The following TWIST2 variants were observed in gnomAD, a reference collection of about 807,000 sequenced individuals.
TWIST2 encodes twist family bHLH transcription factor 2, also known as twist-related protein 2.
In TWIST2, 1 loss-of-function variant was observed where a neutral mutation model predicts 11.6. That is an observed-to-expected ratio of 0.09 (90% CI 0.03 to 0.41). The LOEUF (loss-of-function observed/expected upper bound fraction) is 0.41, where lower values mean the gene tolerates loss of function less well. Ranked by LOEUF, TWIST2 falls within the 10% of genes least tolerant of loss-of-function variation. The pLI is 0.98. For synonymous variants in TWIST2, 87 were observed against 96.6 expected (o/e 0.90, Z 0.58); for missense variants, 168 against 226.4 (o/e 0.74, Z 1.66).
intron 1 of TWIST2, among the ~76,000 whole-genome samples, chr2:238,894,155 A>G (rs931665957): frequency 7.2e-5 from 11 of 152,076 alleles, no homozygotes; most frequent in Non-Finnish European, 1.0e-4. Context: ...CTCCAAGGGG[A>G]GAATAAAGTT....
At chr2:238,905,323 G>A (rs996199359) in intron 1 of TWIST2, among the ~76,000 whole-genome samples, 9,279 of 152,260 alleles carry the variant, frequency 0.061, 410 homozygotes, top group East Asian at 0.16. Context: ...ATACAGGGAG[G>A]TAACTGCACG....
intron 1 of TWIST2, among the ~76,000 whole-genome samples, chr2:238,870,554 ACACACAC>A (rs1177479100): frequency 8.3e-6 from 1 of 120,164 alleles, no homozygotes; most frequent in Admixed American, 8.4e-5. Flanking sequence ...CACACACCCC[ACACACAC>A]CACACACCAC....
intron 1 of TWIST2, among the ~76,000 whole-genome samples, chr2:238,883,044 C>T (rs1282664312): frequency 6.6e-6 from 1 of 152,202 alleles, no homozygotes; most frequent in African/African-American, 2.4e-5. Flanking sequence ...AATGTTTCTT[C>T]TGTGATTCCT....
chr2:238,894,021 C>G (rs1161094629), intron 1 of TWIST2, among the ~76,000 whole-genome samples: 2 of 152,208 alleles, frequency 1.3e-5, no homozygotes, highest in East Asian at 3.9e-4. Context: ...AAATATCTGC[C>G]TCCTCCAGTT....
At chr2:238,872,359 C>T (rs1283979501) in intron 1 of TWIST2, among the ~76,000 whole-genome samples, 1 of 152,186 alleles carries the variant, frequency 6.6e-6, no homozygotes, top group Non-Finnish European at 1.5e-5. Context: ...GGAGTGGTCT[C>T]AGGTGCACCA....
At chr2:238,882,900 C>A (rs941481076) in intron 1 of TWIST2, among the ~76,000 whole-genome samples, 1 of 152,094 alleles carries the variant, frequency 6.6e-6, no homozygotes, top group African/African-American at 2.4e-5. Context: ...GGGCAGATGA[C>A]CGTGGTCCAG....
At chr2:238,859,180 C>T (rs1053423356) in intron 1 of TWIST2, among the ~76,000 whole-genome samples, 1 of 148,684 alleles carries the variant, frequency 6.7e-6, no homozygotes, top group African/African-American at 2.5e-5. Context: ...CCACTGCACT[C>T]CAGCCTAGGC....
chr2:238,883,273 T>C (rs948198859), intron 1 of TWIST2, among the ~76,000 whole-genome samples: 5 of 152,172 alleles, frequency 3.3e-5, no homozygotes, highest in African/African-American at 1.2e-4. Flanking sequence ...CTGTTTATCC[T>C]CGTGGAGACA....
At chr2:238,899,775 T>G (rs1458688609) in intron 1 of TWIST2, among the ~76,000 whole-genome samples, 1 of 152,198 alleles carries the variant, frequency 6.6e-6, no homozygotes, top group Non-Finnish European at 1.5e-5. Context: ...ACTTTTTGCA[T>G]TTAGATTCAC....
rs181454864 is a variant in TWIST2 at position 238,862,397 on chromosome 2, C to T, written c.*35+13664C>T. On this transcript the variant is annotated intron_variant, in intron 1 of 1. Transcript: ENST00000612363. ...TTAAAAAATTTAAAAAGACAATTAC[C>T]CCATATGGGCAAAAAATATGAATTC... Among the ~76,000 whole-genome samples, 137 of 152,006 alleles carry T rather than the reference C, an allele frequency of 9.0e-4. 4 individuals are homozygous for T. The highest frequency in any genetic ancestry group is 8.9e-3 in the Admixed American group (136 of 15,272).
chr2:238,883,860 T>A (rs1361253136), intron 1 of TWIST2, among the ~76,000 whole-genome samples: 12 of 152,188 alleles, frequency 7.9e-5, no homozygotes. Flanking sequence ...GGCTTTTCTC[T>A]CCTCCTGCAT....
At chr2:238,870,485 C>A (rs1692652541) in intron 1 of TWIST2, among the ~76,000 whole-genome samples, 1 of 142,082 alleles carries the variant, frequency 7.0e-6, no homozygotes, top group Non-Finnish European at 1.5e-5. Flanking sequence ...GCCACACACA[C>A]ACCACACACC....
intron 1 of TWIST2, among the ~76,000 whole-genome samples, chr2:238,890,656 A>T (rs1396938377): frequency 6.6e-6 from 1 of 152,254 alleles, no homozygotes; most frequent in Non-Finnish European, 1.5e-5. Context: ...TTGTTGGAGC[A>T]TGCTACAGTT....
chr2:238,877,010 C>T (rs1419286893), intron 1 of TWIST2, among the ~76,000 whole-genome samples: 3 of 152,132 alleles, frequency 2.0e-5, no homozygotes, highest in Non-Finnish European at 4.4e-5. Flanking sequence ...GCCTGGCCAA[C>T]ATGCTGAGAC....
At position 238,871,298 on chromosome 2, in the gene TWIST2, A is replaced by C. The variant is rs1457717748; in HGVS notation, c.*35+22565A>C. Among the ~76,000 whole-genome samples, 19 of 30,512 alleles carry C rather than the reference A, an allele frequency of 6.2e-4. 1 individual carries two copies. The highest frequency in any genetic ancestry group is 2.3e-3 in the African/African-American group (14 of 6,208). The allele number at this position is 30,512 out of a possible 152,430, so 20.0% of individuals were successfully genotyped here. On this transcript the variant is annotated intron_variant, in intron 1 of 1. Transcript: ENST00000612363. ...ACACACCACATCCCACACACTCCCC[A>C]CACACATCACATACCACACACAAGC...
intron 1 of TWIST2, among the ~76,000 whole-genome samples, chr2:238,895,098 C>T (rs1381827822): frequency 2.0e-5 from 3 of 152,242 alleles, no homozygotes; most frequent in Non-Finnish European, 4.4e-5. Context: ...TTCGCTGCTG[C>T]TGCTGTTGCT....
At chr2:238,900,521 C>A (rs1693256022) in intron 1 of TWIST2, among the ~76,000 whole-genome samples, 1 of 152,186 alleles carries the variant, frequency 6.6e-6, no homozygotes, top group South Asian at 2.1e-4. Flanking sequence ...GAAAGAAGCC[C>A]CAGGAATACC....
intron 1 of TWIST2, among the ~76,000 whole-genome samples, chr2:238,897,852 C>A (rs1166261425): frequency 1.3e-5 from 2 of 152,230 alleles, no homozygotes; most frequent in Non-Finnish European, 2.9e-5. Flanking sequence ...TCTCTTTGAA[C>A]CCTTACCCAG....
chr2:238,908,328 CAT>C (rs1295363215), intron 1 of TWIST2, among the ~76,000 whole-genome samples: 8 of 126,078 alleles, frequency 6.3e-5, no homozygotes, highest in East Asian at 2.4e-4. Flanking sequence ...CATACACACA[CAT>C]ACCACACACA....
Sources: gnomAD v4.1 joint callset for allele counts (sites outside exome capture counted in the v4.1 genomes callset) on GRCh38, gnomAD v4.1.1 for gene constraint, MANE v1.5 for transcripts, NCBI Gene and HGNC (gene_info 2026-07-23, HGNC 2026-07-21) for gene names.